Variants in VWC2L observed in about 807,000 individuals in gnomAD.
VWC2L encodes the protein von Willebrand factor C domain containing 2 like.
Under a neutral mutation model 21.6 loss-of-function variants are expected in VWC2L, and 10 were observed. The ratio of observed to expected loss-of-function variants is 0.46; its 90% CI spans 0.29 to 0.78. VWC2L has a LOEUF of 0.78. Among genes scored for constraint, VWC2L ranks in the 30% least tolerant of loss-of-function variants. The pLI is 0.10. For missense variants in VWC2L, 209 were observed against 277.1 expected (o/e 0.75, Z 1.74); for synonymous variants, 96 against 94.3 (o/e 1.02, Z -0.10).
Position 214,578,794 on chromosome 2 carries a change from C to T in VWC2L, c.*2974C>T, listed in dbSNP as rs1690272461. The T allele has an allele frequency of 6.6e-6, 1 of 151,660 alleles. No homozygotes were observed. Among genetic ancestry groups the T allele is most frequent in the Non-Finnish European group, 1.5e-5 (1 of 67,940 alleles). 9.4% of individuals were successfully genotyped at this position (151,660 alleles called of 1,614,324 possible). A position where few individuals can be genotyped will look rare whatever the true frequency, so the allele number is the denominator to read the frequency against. On this transcript the variant is annotated 3_prime_UTR_variant, in exon 4 of 4. Transcript: ENST00000312504. ...TCAACATCTTGTTTGTCAGCTGATG[C>T]CTATTAAAAACGATTCAGTTTCTAA...
rs543907154 is a variant in VWC2L at position 214,525,604 on chromosome 2, G to A, written c.521-50068G>A. Among the ~76,000 whole-genome samples, 6 of 152,206 alleles carry A rather than the reference G, an allele frequency of 3.9e-5. No homozygotes were observed. In the South Asian group the frequency reaches 1.0e-3, roughly 26 times the overall value. On this transcript the variant is annotated intron_variant, in intron 3 of 3. Transcript: ENST00000312504. The stretch of plus-strand genomic sequence containing the variant: ...CCCCTGGAATTGCCTCTTCTGACCG[G>A]TGTTCTAAGAAACACTCTCAGAAAT...
At chr2:214,447,276 G>C (rs541154971) in intron 3 of VWC2L, among the ~76,000 whole-genome samples, 1 of 152,244 alleles carries the variant, frequency 6.6e-6, no homozygotes, top group South Asian at 2.1e-4. Context: ...CAACTCCTCA[G>C]TCTCAGGAGT....
At chr2:214,420,923 C>T (rs1384917946) in intron 2 of VWC2L, among the ~76,000 whole-genome samples, 1 of 152,130 alleles carries the variant, frequency 6.6e-6, no homozygotes, top group Non-Finnish European at 1.5e-5. Context: ...CAAGTTGCTA[C>T]AAAATAACAG....
Position 214,554,524 on chromosome 2 carries a change from G to A in VWC2L, c.521-21148G>A, listed in dbSNP as rs571533328. Among the ~76,000 whole-genome samples the A allele has an allele frequency of 3.9e-5, 6 of 152,192 alleles. No homozygotes were observed. The Middle Eastern group carries it at 0.01, about 261-fold the overall frequency. On this transcript the variant is annotated intron_variant, in intron 3 of 3. Transcript: ENST00000312504. Reference sequence around the variant, plus strand: ...ACTAAAAATACAAAATTAGCCGGGTGTGGTGGTGCATGCCTGTAATCCCAG... The same window carrying A: ...ACTAAAAATACAAAATTAGCCGGGTATGGTGGTGCATGCCTGTAATCCCAG...
intron 3 of VWC2L, among the ~76,000 whole-genome samples, chr2:214,488,254 C>A (rs888283864): frequency 1.3e-5 from 2 of 152,176 alleles, no homozygotes; most frequent in South Asian, 4.1e-4. Context: ...TTATGTCTCT[C>A]ATTTATAGCT....
intron 3 of VWC2L, among the ~76,000 whole-genome samples, chr2:214,465,722 C>T (rs1481943389): frequency 6.6e-6 from 1 of 152,106 alleles, no homozygotes; most frequent in African/African-American, 2.4e-5. Context: ...GCCTAGACTG[C>T]CTTTCAAGTT....
At chr2:214,419,659 T>G (rs1702406109) in intron 2 of VWC2L, among the ~76,000 whole-genome samples, 1 of 152,324 alleles carries the variant, frequency 6.6e-6, no homozygotes, top group South Asian at 2.1e-4. Context: ...CACTGACCTT[T>G]GTGTTTTTCC....
intron 3 of VWC2L, among the ~76,000 whole-genome samples, chr2:214,529,472 A>G (rs1689397851): frequency 6.6e-6 from 1 of 152,168 alleles, no homozygotes; most frequent in East Asian, 1.9e-4. Context: ...ACGGAAACTC[A>G]ATGACCAAAC....
At chr2:214,460,287 T>G (rs1703121210) in intron 3 of VWC2L, among the ~76,000 whole-genome samples, 1 of 152,196 alleles carries the variant, frequency 6.6e-6, no homozygotes, top group Admixed American at 6.5e-5. Flanking sequence ...GCTTTTTGTA[T>G]CTGGATGTGT....
intron 3 of VWC2L, among the ~76,000 whole-genome samples, chr2:214,492,943 A>G (rs982611807): frequency 3.9e-5 from 6 of 152,196 alleles, no homozygotes; most frequent in African/African-American, 1.2e-4. Context: ...TTCAGGTTTC[A>G]TTGGTCAAAG....
chr2:214,559,615 A>ATTT (rs148202293), intron 3 of VWC2L, among the ~76,000 whole-genome samples: 2 of 142,360 alleles, frequency 1.4e-5, no homozygotes, highest in Admixed American at 7.1e-5. Context: ...TTCTTTTTTC[A>ATTT]TTTTTTTTTT....
intron 3 of VWC2L, among the ~76,000 whole-genome samples, chr2:214,465,502 T>C (rs954668004): frequency 6.6e-6 from 1 of 152,152 alleles, no homozygotes; most frequent in Non-Finnish European, 1.5e-5. Flanking sequence ...TAAGCTGTTA[T>C]CAAGATGCAA....
chr2:214,544,600 G>C (rs1419045619), intron 3 of VWC2L, among the ~76,000 whole-genome samples: 3 of 152,042 alleles, frequency 2.0e-5, no homozygotes, highest in Non-Finnish European at 4.4e-5. Flanking sequence ...GCCAAAACTT[G>C]GTAACCAAAC....
chr2:214,501,280 T>G (rs1688886772), intron 3 of VWC2L, among the ~76,000 whole-genome samples: 1 of 152,106 alleles, frequency 6.6e-6, no homozygotes, highest in Non-Finnish European at 1.5e-5. Context: ...TAACTGTCAC[T>G]ACCACCTGGA....
chr2:214,418,985 C>T (rs865930702), intron 2 of VWC2L, among the ~76,000 whole-genome samples: 1 of 152,218 alleles, frequency 6.6e-6, no homozygotes, highest in Non-Finnish European at 1.5e-5. Context: ...TCACCCTATG[C>T]AGTTGCAAAT....
chr2:214,499,006 A>ATTTTTTTTTTT (rs1688852817), intron 3 of VWC2L, among the ~76,000 whole-genome samples: 1 of 110,268 alleles, frequency 9.1e-6, no homozygotes, highest in African/African-American at 3.6e-5. Context: ...ATATCGTACC[A>ATTTTTTTTTTT]TTCTTTTTTT....
intron 3 of VWC2L, among the ~76,000 whole-genome samples, chr2:214,550,940 C>CACAA (rs1273695032): frequency 1.5e-4 from 23 of 152,192 alleles, no homozygotes; most frequent in Non-Finnish European, 2.9e-5. Context: ...CACCAGCCCT[C>CACAA]TCTTCAGCAC....
intron 3 of VWC2L, among the ~76,000 whole-genome samples, chr2:214,451,895 G>A (rs1702960299): frequency 6.6e-6 from 1 of 152,016 alleles, no homozygotes; most frequent in Non-Finnish European, 1.5e-5. Context: ...TAAATGAACT[G>A]TACATTTTTA....
At chr2:214,504,308 C>T (rs991189045) in intron 3 of VWC2L, among the ~76,000 whole-genome samples, 1 of 152,098 alleles carries the variant, frequency 6.6e-6, no homozygotes, top group African/African-American at 2.4e-5. Flanking sequence ...TTCCTGTTAC[C>T]CATGCACTTA....
Sources: gnomAD v4.1 joint callset for allele counts (sites outside exome capture counted in the v4.1 genomes callset) on GRCh38, gnomAD v4.1.1 for gene constraint, MANE v1.5 for transcripts, NCBI Gene and HGNC (gene_info 2026-07-23, HGNC 2026-07-21) for gene names.